Variants in SORBS2 observed in about 807,000 individuals in gnomAD.
SORBS2 encodes the protein sorbin and SH3 domain-containing protein 2.
SORBS2 carries 46 observed loss-of-function variants against 97.7 expected under a neutral mutation model. The observed-to-expected ratio is 0.47, with a 90% CI of 0.37 to 0.60. SORBS2 has a LOEUF of 0.60. Among genes scored for constraint, SORBS2 ranks in the 20% least tolerant of loss-of-function variants. SORBS2 has a pLI of 0.00. For synonymous variants in SORBS2, 476 were observed against 473.4 expected (o/e 1.01, Z -0.07); for missense variants, 1,316 against 1,282.3 (o/e 1.03, Z -0.40).
intron 12 of SORBS2, among the ~76,000 whole-genome samples, chr4:185,610,291 G>T (rs143417896): frequency 1.3e-5 from 2 of 152,228 alleles, no homozygotes; most frequent in East Asian, 1.9e-4. Context: ...ATGACTGAAT[G>T]GTGGATAAGA....
chr4:185,942,222 T>G lies in SORBS2; in HGVS notation c.-338+13974A>C, dbSNP rs1296294535. ...AATTTTCATGTAACTCTGAAATGCTTCTGGGAAGAAAGAATTTGTAGAAGC... is the reference window on the plus strand; with the variant it reads ...AATTTTCATGTAACTCTGAAATGCTGCTGGGAAGAAAGAATTTGTAGAAGC... On this transcript the variant is annotated intron_variant, in intron 1 of 20. Transcript: ENST00000284776. Among the ~76,000 whole-genome samples the G allele has an allele frequency of 2.0e-5, 3 of 152,196 alleles. No individual in the cohort carries two copies. In the East Asian group the frequency reaches 5.8e-4, roughly 29 times the overall value.
At chr4:185,724,760 C>T (rs1450919310) in intron 2 of SORBS2, among the ~76,000 whole-genome samples, 1 of 152,166 alleles carries the variant, frequency 6.6e-6, no homozygotes, top group African/African-American at 2.4e-5. Flanking sequence ...CATGCTGTTT[C>T]CCGAATCTGG....
At chr4:185,762,273 G>A (rs1161499337) in intron 2 of SORBS2, among the ~76,000 whole-genome samples, 2 of 152,208 alleles carry the variant, frequency 1.3e-5, no homozygotes, top group Non-Finnish European at 2.9e-5. Context: ...CAGGGTGGGA[G>A]TTGGAAAGTG....
intron 2 of SORBS2, among the ~76,000 whole-genome samples, chr4:185,759,608 T>C (rs2098854441): frequency 1.2e-5 from 1 of 80,698 alleles, no homozygotes. Flanking sequence ...CTCTAGGAAT[T>C]GAAAGGGTTT....
At chr4:185,782,069 T>C (rs2099033914) in intron 1 of SORBS2, among the ~76,000 whole-genome samples, 1 of 152,250 alleles carries the variant, frequency 6.6e-6, no homozygotes, top group Admixed American at 6.5e-5. Context: ...TAGGGGCCAA[T>C]ACGTAGTTGC....
chr4:185,838,539 G>A (rs2099209566), intron 1 of SORBS2, among the ~76,000 whole-genome samples: 1 of 152,230 alleles, frequency 6.6e-6, no homozygotes, highest in East Asian at 1.9e-4. Context: ...TCGAGATGCA[G>A]TAGTTCCATT....
In SORBS2 at chr4:185,781,820, C is replaced by T. The variant is rs141980188; in HGVS notation, c.-337-6454G>A. ...GTGGCGAATGCCATGCAGCCTCCAG[C>T]TTTCACGTGTCTCTTCCTCAGGAAG... On this transcript the variant is annotated intron_variant, in intron 1 of 20. Coordinates refer to the SORBS2 transcript ENST00000284776. 7.2e-3 allele frequency among the ~76,000 whole-genome samples: 1,099 copies of T among 152,414 alleles called. 7 individuals carry two copies. The highest frequency in any genetic ancestry group is 0.017 in the Middle Eastern group (5 of 294).
At chr4:185,818,151 C>G (rs2099194440) in intron 1 of SORBS2, among the ~76,000 whole-genome samples, 1 of 152,182 alleles carries the variant, frequency 6.6e-6, no homozygotes, top group Non-Finnish European at 1.5e-5. Context: ...AATTATTTTA[C>G]TAAGCCTACC....
intron 12 of SORBS2, among the ~76,000 whole-genome samples, chr4:185,598,290 T>C (rs1021476385): frequency 6.6e-6 from 1 of 151,292 alleles, no homozygotes; most frequent in Non-Finnish European, 1.5e-5. Context: ...TATGTATTTT[T>C]TTCTGTAGCC....
chr4:185,694,188 A>C (rs2098137698), intron 2 of SORBS2, among the ~76,000 whole-genome samples: 1 of 152,258 alleles, frequency 6.6e-6, no homozygotes, highest in Non-Finnish European at 1.5e-5. Context: ...AGTTCAAACT[A>C]AAGCGAATCT....
At position 185,851,057 on chromosome 4, in the gene SORBS2, C is replaced by T. The variant is rs116658719; in HGVS notation, c.-337-75691G>A. On this transcript the variant is annotated intron_variant, in intron 1 of 20. Coordinates refer to the SORBS2 transcript ENST00000284776. ...GTTCTCCAGCTTGCAGACAGCAGAT[C>T]GTGGGATTTCCTGGCTGCCATAATC... Among the ~76,000 whole-genome samples, 449 of 152,240 alleles carry T rather than the reference C, an allele frequency of 2.9e-3. 5 individuals are homozygous for T. The highest frequency in any genetic ancestry group is 1.0e-2 in the African/African-American group (414 of 41,542).
chr4:185,649,778 A>T (rs2097280513), intron 2 of SORBS2, 122 bp from the exon 12 acceptor site: 2 of 494,826 alleles, frequency 4.0e-6, no homozygotes, highest in Non-Finnish European at 3.4e-6. Context: ...ATCAATAAGC[A>T]TATTCATAAT....
intron 12 of SORBS2, among the ~76,000 whole-genome samples, chr4:185,600,727 T>A (rs144311200): frequency 6.6e-6 from 1 of 152,196 alleles, no homozygotes; most frequent in South Asian, 2.1e-4. Context: ...ATTGAAGGGA[T>A]GCAAGGTGAG....
At chr4:185,846,220 A>G (rs1324058783) in intron 1 of SORBS2, among the ~76,000 whole-genome samples, 2 of 152,218 alleles carry the variant, frequency 1.3e-5, no homozygotes, top group Non-Finnish European at 2.9e-5. Context: ...CTCAGCAACA[A>G]AAAGGAAAAG....
At chr4:185,727,327 C>A (rs1428154606) in intron 2 of SORBS2, among the ~76,000 whole-genome samples, 1 of 152,186 alleles carries the variant, frequency 6.6e-6, no homozygotes, top group Non-Finnish European at 1.5e-5. Context: ...CAGATAGGTG[C>A]AGTCAATGGA....
chr4:185,926,300 A>C (rs938319238), intron 1 of SORBS2, among the ~76,000 whole-genome samples: 1 of 152,220 alleles, frequency 6.6e-6, no homozygotes, highest in African/African-American at 2.4e-5. Context: ...CTCTCGAACT[A>C]GCGTGGTGGC....
chr4:185,917,865 G>A lies in SORBS2; in HGVS notation c.-338+38331C>T, dbSNP rs140266668. On this transcript the variant is annotated intron_variant, in intron 1 of 20. Transcript: ENST00000284776. ...ACTGAAGTCTTCTGTGTTGATTGTCGTGGTGTGAGAGCAGAGGAAAAACAG... is the reference window on the plus strand; with the variant it reads ...ACTGAAGTCTTCTGTGTTGATTGTCATGGTGTGAGAGCAGAGGAAAAACAG... Among the ~76,000 whole-genome samples, 1,171 of 152,224 alleles carry A rather than the reference G, an allele frequency of 7.7e-3. 16 individuals carry two copies. The highest frequency in any genetic ancestry group is 0.027 in the African/African-American group (1,122 of 41,544).
At chr4:185,694,274 T>A (rs1296166152) in intron 2 of SORBS2, among the ~76,000 whole-genome samples, 1 of 152,220 alleles carries the variant, frequency 6.6e-6, no homozygotes, top group East Asian at 1.9e-4. Context: ...CTGGAAAGCA[T>A]CAAATTCCTA....
intron 2 of SORBS2, among the ~76,000 whole-genome samples, chr4:185,709,677 A>G (rs941452966): frequency 6.6e-6 from 1 of 152,000 alleles, no homozygotes; most frequent in Admixed American, 6.6e-5. Flanking sequence ...TCTGTTAGCA[A>G]ACTCCACTCA....
Sources: gnomAD v4.1 joint callset for allele counts (sites outside exome capture counted in the v4.1 genomes callset) on GRCh38, gnomAD v4.1.1 for gene constraint, MANE v1.5 for transcripts, NCBI Gene and HGNC (gene_info 2026-07-23, HGNC 2026-07-21) for gene names.